Variants in LSM12 observed in about 807,000 individuals in gnomAD.
LSM12 encodes the protein LSM12 homolog, also known as protein LSM12.
For missense variants in LSM12, 108 were observed against 238.9 expected (o/e 0.45, Z 3.61); for synonymous variants, 74 against 87.3 (o/e 0.85, Z 0.85).
chr17:44,038,730 T>C (rs569686022), intron 3 of LSM12, among the ~76,000 whole-genome samples: 1 of 152,350 alleles, frequency 6.6e-6, no homozygotes, highest in East Asian at 1.9e-4. Flanking sequence ...TAATGGGAGC[T>C]GCTCTTCAGA....
At chr17:44,037,961 G>A (rs1377650145) in intron 3 of LSM12, among the ~76,000 whole-genome samples, 1 of 152,216 alleles carries the variant, frequency 6.6e-6, no homozygotes, top group Non-Finnish European at 1.5e-5. Context: ...TTGTACAAAA[G>A]TAGCATGGAC....
At chr17:44,047,528 T>A (rs1350349375) in intron 2 of LSM12, among the ~76,000 whole-genome samples, 2 of 152,168 alleles carry the variant, frequency 1.3e-5, no homozygotes, top group Non-Finnish European at 2.9e-5. Context: ...ATTACAGGCA[T>A]GAGCCACCAT....
At chr17:44,047,381 G>C (rs1421452044) in intron 2 of LSM12, among the ~76,000 whole-genome samples, 1 of 151,934 alleles carries the variant, frequency 6.6e-6, no homozygotes, top group African/African-American at 2.4e-5. Context: ...AGAGTAGCTA[G>C]GACTACAGGC....
intron 2 of LSM12, among the ~76,000 whole-genome samples, chr17:44,061,736 G>A (rs1301824506): frequency 3.9e-5 from 6 of 152,146 alleles, no homozygotes; most frequent in Non-Finnish European, 7.3e-5. Flanking sequence ...TTCCTCTAGA[G>A]GGAAAAACTT....
chr17:44,062,931 G>A (rs897427423), intron 2 of LSM12, among the ~76,000 whole-genome samples: 3 of 151,832 alleles, frequency 2.0e-5, no homozygotes, highest in South Asian at 2.1e-4. Flanking sequence ...TTGGCCAGGC[G>A]TCGTGGCACA....
intron 2 of LSM12, among the ~76,000 whole-genome samples, chr17:44,060,335 A>T (rs1433250408): frequency 6.6e-6 from 1 of 152,174 alleles, no homozygotes; most frequent in Non-Finnish European, 1.5e-5. Context: ...TGATCTTAAA[A>T]ATGAGACTAA....
In LSM12 at chr17:44,035,691, A is replaced by AAG. The variant is rs2049407752; in HGVS notation, c.*516_*517insCT. The AAG allele has an allele frequency of 2.8e-5, 4 of 141,682 alleles. No individual in the cohort carries two copies. Among genetic ancestry groups the AAG allele is most frequent in the South Asian group, 2.2e-4 (1 of 4,450 alleles). The allele number at this position is 141,682 out of a possible 1,614,324, so 8.8% of individuals were successfully genotyped here. A position where few individuals can be genotyped will look rare whatever the true frequency, so the allele number is the denominator to read the frequency against. ...CATGCCCTGTGCAAAAAAAAAAAAAAAAAGAAAAAAGAAAAAAAAAGGAAA... is the reference window on the plus strand; with the variant it reads ...CATGCCCTGTGCAAAAAAAAAAAAAAAGAAAGAAAAAAGAAAAAAAAAGGAAA... On this transcript the variant is annotated 3_prime_UTR_variant, in exon 5 of 5. Coordinates refer to ENST00000293406, the MANE Select transcript of LSM12 (RefSeq NM_001371445.1).
At chr17:44,039,527 G>A (rs1174207404) in intron 3 of LSM12, among the ~76,000 whole-genome samples, 2 of 150,798 alleles carry the variant, frequency 1.3e-5, no homozygotes, top group African/African-American at 4.9e-5. Context: ...GACTACAGGC[G>A]CCCGCCACCG....
In LSM12 at chr17:44,037,331, A is replaced by T. The variant is rs920070023; in HGVS notation, c.495+81T>A. On this transcript the variant is annotated intron_variant, in intron 4 of 4. Transcript: ENST00000293406. ...CTAGAGGAGGCAGAGACTGTAGCACAATGTCCTGGTCTGGTGCTAAAGACT... is the reference window on the plus strand; with the variant it reads ...CTAGAGGAGGCAGAGACTGTAGCACTATGTCCTGGTCTGGTGCTAAAGACT... The T allele has an allele frequency of 9.6e-6, 14 of 1,454,574 alleles. No individual in the cohort carries two copies. The East Asian group carries it at 3.0e-4, about 31-fold the overall frequency. 90.1% of individuals were successfully genotyped at this position (1,454,574 alleles called of 1,614,324 possible).
At chr17:44,042,953 T>G (rs2049514821) in intron 2 of LSM12, among the ~76,000 whole-genome samples, 1 of 152,196 alleles carries the variant, frequency 6.6e-6, no homozygotes, top group South Asian at 2.1e-4. Context: ...TCCACCCACC[T>G]CAGCCTCCCA....
intron 2 of LSM12, among the ~76,000 whole-genome samples, chr17:44,059,956 A>G (rs1180050562): frequency 6.6e-6 from 1 of 152,198 alleles, no homozygotes; most frequent in East Asian, 1.9e-4. Flanking sequence ...CAAGGTCAGG[A>G]GATCGAGACC....
intron 2 of LSM12, among the ~76,000 whole-genome samples, chr17:44,054,649 G>T (rs1169234641): frequency 6.6e-6 from 1 of 151,478 alleles, no homozygotes; most frequent in African/African-American, 2.4e-5. Context: ...CCACCTTTCT[G>T]ACCCATTTGA....
At chr17:44,060,969 T>C (rs967582929) in intron 2 of LSM12, among the ~76,000 whole-genome samples, 24 of 152,164 alleles carry the variant, frequency 1.6e-4, no homozygotes, top group African/African-American at 5.1e-4. Context: ...GTGACAGACT[T>C]ATCATACCCT....
At chr17:44,066,062 T>A (rs1388687767) in intron 1 of LSM12, among the ~76,000 whole-genome samples, 2 of 151,980 alleles carry the variant, frequency 1.3e-5, no homozygotes, top group African/African-American at 4.8e-5. Context: ...AGCAGTTCCT[T>A]ACCCTAAACA....
chr17:44,056,462 T>G (rs75818795), intron 2 of LSM12, among the ~76,000 whole-genome samples: 1 of 150,770 alleles, frequency 6.6e-6, no homozygotes, highest in Non-Finnish European at 1.5e-5. Flanking sequence ...CAAAAAATTG[T>G]TTTTTTTTAA....
At chr17:44,066,717 C>A, upstream of LSM12, 1 of 1,161,912 alleles carries the variant, frequency 8.6e-7, no homozygotes, top group Non-Finnish European at 1.1e-6. Context: ...TGGCCTGGCG[C>A]TGGTTGGGGC....
At chr17:44,045,678 C>T (rs1199875046) in intron 2 of LSM12, among the ~76,000 whole-genome samples, 1 of 152,146 alleles carries the variant, frequency 6.6e-6, no homozygotes, top group East Asian at 1.9e-4. Flanking sequence ...TCAAGCAATC[C>T]TCCCACTTCA....
chr17:44,066,471 C>A lies in LSM12; in HGVS notation c.117G>T (p.Leu39=), dbSNP rs757313092. 1.9e-6 allele frequency: 3 copies of A among 1,554,728 alleles called. No homozygotes were observed. Among genetic ancestry groups the A allele is most frequent in the African/African-American group, 1.4e-5 (1 of 70,924 alleles). The part of the protein sequence containing the change: ...VVAFDYQSKM[L]ALKCPSSSGK... ...TCACGCAGGGAAGGATACTTAAAGC[C>A]AGCATTTTGGATTGGTAGTCAAAGG... The change falls in exon 1 of 5, where the codon CTG becomes CTT. Residue 39 remains leucine (L), a synonymous_variant. Transcript: ENST00000293406.
At chr17:44,044,080 A>T (rs1046483700) in intron 2 of LSM12, among the ~76,000 whole-genome samples, 1 of 152,220 alleles carries the variant, frequency 6.6e-6, no homozygotes, top group African/African-American at 2.4e-5. Context: ...TCACCTACAT[A>T]GCAGCTTAAA....
Sources: allele counts gnomAD v4.1 joint callset (sites outside exome capture counted in the v4.1 genomes callset), GRCh38; gene constraint gnomAD v4.1.1; transcripts MANE v1.5; gene names NCBI Gene and HGNC (gene_info 2026-07-23, HGNC 2026-07-21).